The following SPAG16 variants were observed in gnomAD, a reference collection of about 807,000 sequenced individuals.
The protein encoded by SPAG16 is sperm-associated antigen 16 protein.
SPAG16 carries 86 observed loss-of-function variants against 80.4 expected under a neutral mutation model. That is an observed-to-expected ratio of 1.07 (90% confidence interval 0.90 to 1.28). SPAG16 has a LOEUF of 1.28. SPAG16 is among the 50% of genes most tolerant of loss of function. The pLI, the probability that SPAG16 is intolerant of heterozygous loss-of-function variation, is 0.00. For missense variants in SPAG16, 870 were observed against 765.3 expected (o/e 1.14, Z -1.61); for synonymous variants, 294 against 265.9 (o/e 1.11, Z -1.03).
At chr2:213,967,999 G>A (rs1387205060) in intron 12 of SPAG16, among the ~76,000 whole-genome samples, 3 of 152,016 alleles carry the variant, frequency 2.0e-5, no homozygotes, top group South Asian at 4.1e-4. Context: ...CTTATATAAT[G>A]TCCAACATAC....
chr2:213,904,606 A>G (rs2077359955), intron 11 of SPAG16, among the ~76,000 whole-genome samples: 1 of 151,084 alleles, frequency 6.6e-6, no homozygotes, highest in Non-Finnish European at 1.5e-5. Context: ...TTTGCAAAAA[A>G]AAAAAAAAAA....
At chr2:213,995,697 C>T (rs2046481590) in intron 12 of SPAG16, among the ~76,000 whole-genome samples, 1 of 152,158 alleles carries the variant, frequency 6.6e-6, no homozygotes, top group Admixed American at 6.5e-5. Context: ...TGTTGGTCAT[C>T]TGCCCACTGC....
At chr2:213,711,673 C>A (rs2065994159) in intron 10 of SPAG16, among the ~76,000 whole-genome samples, 1 of 151,932 alleles carries the variant, frequency 6.6e-6, no homozygotes, top group Admixed American at 6.6e-5. Context: ...GTGTGCACCA[C>A]CACACCCAGC....
chr2:213,452,763 A>G (rs2071778299), intron 9 of SPAG16, among the ~76,000 whole-genome samples: 1 of 152,242 alleles, frequency 6.6e-6, no homozygotes, highest in Admixed American at 6.5e-5. Flanking sequence ...GCTGAAATGC[A>G]TCATGGCCTC....
chr2:213,652,031 G>T (rs1314862177), intron 10 of SPAG16, among the ~76,000 whole-genome samples: 1 of 152,052 alleles, frequency 6.6e-6, no homozygotes, highest in Non-Finnish European at 1.5e-5. Flanking sequence ...TCAGTTTAAT[G>T]ATTTTGTCCC....
intron 10 of SPAG16, among the ~76,000 whole-genome samples, chr2:213,767,341 A>T (rs1021464839): frequency 6.6e-6 from 1 of 152,156 alleles, no homozygotes; most frequent in African/African-American, 2.4e-5. Flanking sequence ...TAGAGTAAGG[A>T]ATGAAAATCA....
chr2:213,950,990 G>A (rs1011471941), intron 12 of SPAG16, among the ~76,000 whole-genome samples: 2 of 149,326 alleles, frequency 1.3e-5, no homozygotes, highest in Non-Finnish European at 1.5e-5. Context: ...GGGATTACAG[G>A]TGTAAGCCAC....
In SPAG16 at chr2:213,378,454, C is replaced by G. The variant is rs573414551; in HGVS notation, c.942+3335C>G. On this transcript the variant is annotated intron_variant, in intron 9 of 15. Transcript: ENST00000331683. The stretch of plus-strand genomic sequence containing the variant: ...CATAAAACAACTATCCTTCGTACAA[C>G]CAGAAATGCATCAGTCCCCAACTCA... Among the ~76,000 whole-genome samples the G allele has an allele frequency of 2.7e-4, 41 of 152,220 alleles. No individual in the cohort carries two copies. The South Asian group carries it at 8.5e-3, about 32-fold the overall frequency.
chr2:214,045,499 G>A (rs1016120645), intron 13 of SPAG16, among the ~76,000 whole-genome samples: 8 of 152,176 alleles, frequency 5.3e-5, no homozygotes, highest in African/African-American at 1.7e-4. Context: ...ACTCTTGCTT[G>A]AGAAAGCAGA....
intron 12 of SPAG16, among the ~76,000 whole-genome samples, chr2:213,937,830 G>A (rs573878614): frequency 3.3e-5 from 5 of 152,050 alleles, no homozygotes; most frequent in Non-Finnish European, 5.9e-5. Flanking sequence ...AATGGCTCAA[G>A]TAAGTGTCCA....
chr2:213,821,928 C>T (rs1421187404), intron 10 of SPAG16, among the ~76,000 whole-genome samples: 1 of 152,138 alleles, frequency 6.6e-6, no homozygotes, highest in African/African-American at 2.4e-5. Flanking sequence ...ATATGTACCA[C>T]ATTATCTTTA....
At chr2:214,025,522 T>C (rs926992233) in intron 13 of SPAG16, among the ~76,000 whole-genome samples, 3 of 151,674 alleles carry the variant, frequency 2.0e-5, no homozygotes, top group African/African-American at 7.2e-5. Flanking sequence ...TCAAATTCAC[T>C]GTAGTACCAC....
chr2:214,022,897 T>C (rs951194148), intron 13 of SPAG16, among the ~76,000 whole-genome samples: 2 of 152,078 alleles, frequency 1.3e-5, no homozygotes, highest in Admixed American at 1.3e-4. Flanking sequence ...CAATTTTGTT[T>C]CTCCAAGTTA....
Position 213,551,545 on chromosome 2 carries a change from A to G in SPAG16, c.1070+61455A>G, listed in dbSNP as rs148171377. Among the ~76,000 whole-genome samples, 120 of 152,330 alleles carry G rather than the reference A, an allele frequency of 7.9e-4. 2 individuals carry two copies. The highest frequency in any genetic ancestry group is 3.4e-3 in the Middle Eastern group (1 of 294). On this transcript the variant is annotated intron_variant, in intron 10 of 15. Transcript: ENST00000331683. The stretch of plus-strand genomic sequence containing the variant: ...AAAATGAAGTTGGGACACTTCTGTC[A>G]TCTCATAATTCTGTCAAAATCTGTG...
chr2:213,347,685 G>A (rs894406604), intron 6 of SPAG16, among the ~76,000 whole-genome samples: 23 of 152,338 alleles, frequency 1.5e-4, no homozygotes, highest in African/African-American at 5.5e-4. Context: ...TTTCCATGTA[G>A]TTGAGCGGTT....
At chr2:213,825,701 C>CTTTTTTTTTTT (rs55777958) in intron 10 of SPAG16, among the ~76,000 whole-genome samples, 60 of 109,730 alleles carry the variant, frequency 5.5e-4, no homozygotes, top group East Asian at 1.6e-3. Context: ...TTCTTTCTTT[C>CTTTTTTTTTTT]TTTTTTTTTT....
At chr2:214,409,925 C>G (rs1247922141) in intron 15 of SPAG16, among the ~76,000 whole-genome samples, 2 of 152,072 alleles carry the variant, frequency 1.3e-5, no homozygotes, top group Non-Finnish European at 2.9e-5. Context: ...GGCTCTATGT[C>G]CCAATTAGAA....
In SPAG16 at chr2:213,305,562, A is replaced by G. The variant is rs149105747; in HGVS notation, c.280-4497A>G. Among the ~76,000 whole-genome samples the G allele has an allele frequency of 2.2e-4, 33 of 152,282 alleles. No homozygotes were observed. The East Asian group carries it at 6.4e-3, about 29-fold the overall frequency. On this transcript the variant is annotated intron_variant, in intron 3 of 15. Coordinates refer to ENST00000331683, the MANE Select transcript of SPAG16 (RefSeq NM_024532.5). ...TCCATGTTTTTTGAGGGTTTCTATC[A>G]TGAAGGGATGTTGAATTTTATCAAA...
chr2:213,467,747 T>C (rs1304349345), intron 9 of SPAG16, among the ~76,000 whole-genome samples: 1 of 152,212 alleles, frequency 6.6e-6, no homozygotes, highest in Admixed American at 6.5e-5. Flanking sequence ...TGAGTCTGGC[T>C]CTGGACTCAG....
Sources: allele counts gnomAD v4.1 joint callset (sites outside exome capture counted in the v4.1 genomes callset), GRCh38; gene constraint gnomAD v4.1.1; transcripts MANE v1.5; gene names NCBI Gene and HGNC (gene_info 2026-07-23, HGNC 2026-07-21).